The following SLC13A3 variants were observed in gnomAD, a reference collection of about 807,000 sequenced individuals.
SLC13A3 encodes the protein Na(+)/dicarboxylate cotransporter 3.
A neutral mutation model predicts 59.0 loss-of-function variants in SLC13A3; 40 were observed. That is an observed-to-expected ratio of 0.68 (90% CI 0.53 to 0.88). SLC13A3 has a LOEUF of 0.88. Among genes scored for constraint, SLC13A3 ranks in the 40% least tolerant of loss-of-function variants. SLC13A3 has a pLI of 0.00. For missense variants in SLC13A3, 699 were observed against 783.2 expected, an observed-to-expected ratio of 0.89 and a Z score of 1.28; for synonymous variants, 317 against 330.3, an observed-to-expected ratio of 0.96 and a Z score of 0.44.
chr20:46,596,382 G>C, intron 4 of SLC13A3, 40 bp from the exon 5 acceptor site: 1 of 1,587,394 alleles, frequency 6.3e-7, no homozygotes, highest in Non-Finnish European at 8.6e-7. Flanking sequence ...AGAATACATG[G>C]AGAACAGGCC....
intron 1 of SLC13A3, among the ~76,000 whole-genome samples, chr20:46,675,150 G>T (rs1169548179): frequency 1.3e-5 from 2 of 152,198 alleles, no homozygotes; most frequent in Admixed American, 6.5e-5. Context: ...ATAGTGGGGA[G>T]AGGAACAGCA....
At chr20:46,568,833 G>C (rs1371698994) in intron 10 of SLC13A3, among the ~76,000 whole-genome samples, 1 of 152,236 alleles carries the variant, frequency 6.6e-6, no homozygotes, top group Non-Finnish European at 1.5e-5. Flanking sequence ...CTGAGTGACC[G>C]GGCTTCCAGC....
chr20:46,640,256 C>T (rs73908952), intron 1 of SLC13A3, among the ~76,000 whole-genome samples: 112 of 152,246 alleles, frequency 7.4e-4, no homozygotes, highest in African/African-American at 2.6e-3. Context: ...GAGCTGAGTA[C>T]AGTGGAAATC....
chr20:46,684,427 C>T (rs527580208), exon 1 of SLC13A3: 40 of 152,276 alleles, frequency 2.6e-4, no homozygotes, highest in African/African-American at 7.7e-4. Context: ...CCTCAGAAAA[C>T]TTATAATCAT....
intron 10 of SLC13A3, among the ~76,000 whole-genome samples, chr20:46,572,594 C>A (rs2062039251): frequency 6.6e-6 from 1 of 152,206 alleles, no homozygotes; most frequent in Non-Finnish European, 1.5e-5. Flanking sequence ...GGCACCATTT[C>A]CACCAAGTTG....
At chr20:46,577,500 GA>G (rs1372570599) in intron 9 of SLC13A3, among the ~76,000 whole-genome samples, 3 of 152,146 alleles carry the variant, frequency 2.0e-5, no homozygotes, top group African/African-American at 7.2e-5. Flanking sequence ...AAAGTGAAGC[GA>G]CTTGCCCCAC....
intron 1 of SLC13A3, among the ~76,000 whole-genome samples, chr20:46,614,962 T>C (rs1464376813): frequency 6.6e-6 from 1 of 152,212 alleles, no homozygotes; most frequent in Admixed American, 6.5e-5. Context: ...TTTGGGCTGA[T>C]GGCAATGTTC....
chr20:46,620,233 GTAT>G (rs777218488), intron 1 of SLC13A3, among the ~76,000 whole-genome samples: 3 of 152,212 alleles, frequency 2.0e-5, no homozygotes, highest in Non-Finnish European at 4.4e-5. Context: ...AGGAAGGTTA[GTAT>G]TATTTTCATT....
chr20:46,569,439 T>C (rs1272344469), intron 10 of SLC13A3, among the ~76,000 whole-genome samples: 1 of 152,196 alleles, frequency 6.6e-6, no homozygotes, highest in Non-Finnish European at 1.5e-5. Flanking sequence ...GGAGTCAGAC[T>C]GAGTTTGCTT....
At chr20:46,613,395 T>C (rs1303640774) in intron 2 of SLC13A3, 65 bp downstream of exon 2, 8 of 1,404,472 alleles carry the variant, frequency 5.7e-6, no homozygotes, top group Middle Eastern at 2.1e-4. Flanking sequence ...AGAGCAGGTA[T>C]AGGCTCCAGA....
chr20:46,629,360 G>C (rs2062713004), intron 1 of SLC13A3, among the ~76,000 whole-genome samples: 2 of 152,140 alleles, frequency 1.3e-5, no homozygotes, highest in South Asian at 4.1e-4. Flanking sequence ...GTCCATTAAT[G>C]TTACCACAAT....
intron 1 of SLC13A3, among the ~76,000 whole-genome samples, chr20:46,679,613 C>G: frequency 8.1e-6 from 1 of 122,738 alleles, no homozygotes. Context: ...GACTCCGTCT[C>G]AAAAAAAAAA....
At chr20:46,634,858 TC>T (rs1474113207) in intron 1 of SLC13A3, among the ~76,000 whole-genome samples, 2 of 152,142 alleles carry the variant, frequency 1.3e-5, no homozygotes, top group Non-Finnish European at 2.9e-5. Flanking sequence ...GCTGGTTCCT[TC>T]ATCTCCCATC....
rs749426418 is a variant in SLC13A3 at position 46,596,301 on chromosome 20, G to A, written c.650C>T (p.Pro217Leu). ...PGETEVPLDLPADSRKEDEYR... is the reference protein window; with the variant it reads ...PGETEVPLDLLADSRKEDEYR... ...TTCATCCTCCTTCCTGGAGTCAGCC[G>A]GCAGATCCAGTGGAACCTCTGTCTC... The change falls in exon 5 of 13, where the codon CCG becomes CTG. Residue 217 changes from proline (P) to leucine (L), a missense_variant. Coordinates refer to ENST00000279027, the MANE Select transcript of SLC13A3 (RefSeq NM_022829.6). 1.7e-5 allele frequency: 27 copies of A among 1,614,028 alleles called. No homozygotes were observed. In the Admixed American group the frequency reaches 1.8e-4, roughly 11 times the overall value.
chr20:46,656,127 CCACA>C (rs75246214), upstream of SLC13A3, among the ~76,000 whole-genome samples: 5 of 140,206 alleles, frequency 3.6e-5, no homozygotes, highest in Middle Eastern at 0.011. Flanking sequence ...ATATAATATA[CCACA>C]CAGTCTATAT....
Position 46,651,323 on chromosome 20 carries a change from G to T in SLC13A3, c.99C>A (p.Ala33=), listed in dbSNP as rs1413028708. The T allele has an allele frequency of 1.3e-6, 2 of 1,513,012 alleles. No individual in the cohort carries two copies. Among genetic ancestry groups the T allele is most frequent in the Admixed American group, 4.2e-5 (2 of 47,268 alleles). 93.7% of individuals were successfully genotyped at this position (1,513,012 alleles called of 1,614,324 possible). Reference sequence around the variant, plus strand: ...GAGGAGGCGTTACCTTGGGCGGGAGGGCGAAGACCACCGGCAGCAGCGCGA... The same window carrying T: ...GAGGAGGCGTTACCTTGGGCGGGAGTGCGAAGACCACCGGCAGCAGCGCGA... ...TPLALLPVVF[A]LPPKEGRCLF... is the part of the protein sequence containing the mutation. The change falls in exon 1 of 13, where the codon GCC becomes GCA. Residue 33 remains alanine (A), a synonymous_variant. Transcript: ENST00000279027.
chr20:46,680,661 C>T (rs577886193), intron 1 of SLC13A3, among the ~76,000 whole-genome samples: 113 of 152,356 alleles, frequency 7.4e-4, no homozygotes, highest in African/African-American at 2.6e-3. Flanking sequence ...CTTGTGACAT[C>T]TCTGAAGAGC....
intron 6 of SLC13A3, among the ~76,000 whole-genome samples, chr20:46,591,070 T>C (rs1220873721): frequency 6.6e-6 from 1 of 151,658 alleles, no homozygotes; most frequent in Non-Finnish European, 1.5e-5. Context: ...CTCTGGAGGC[T>C]GAGGCAGGAG....
intron 1 of SLC13A3, among the ~76,000 whole-genome samples, chr20:46,677,234 A>C (rs963518850): frequency 1.3e-5 from 2 of 152,160 alleles, no homozygotes; most frequent in Middle Eastern, 3.2e-3. Flanking sequence ...ATTGAAGTAC[A>C]ACATAAATAC....
Sources: allele counts gnomAD v4.1 joint callset (sites outside exome capture counted in the v4.1 genomes callset), GRCh38; gene constraint gnomAD v4.1.1; transcripts MANE v1.5; gene names NCBI Gene and HGNC (gene_info 2026-07-23, HGNC 2026-07-21).